Variants in OTUD7B observed in about 807,000 individuals in gnomAD.
The protein encoded by OTUD7B is OTU deubiquitinase 7B, also known as OTU domain-containing protein 7B.
A neutral mutation model predicts 82.2 loss-of-function variants in OTUD7B; 34 were observed. The ratio of observed to expected loss-of-function variants is 0.41; its 90% confidence interval spans 0.31 to 0.55. The LOEUF (loss-of-function observed/expected upper bound fraction) is 0.55. Among genes scored for constraint, OTUD7B ranks in the 20% least tolerant of loss-of-function variants. The pLI is 0.20. For synonymous variants in OTUD7B, 398 were observed against 402.7 expected (o/e 0.99, Z 0.14); for missense variants, 944 against 1,062.1 (o/e 0.89, Z 1.55).
chr1:150,015,809 G>T, the OTUD7B span, among the ~76,000 whole-genome samples: 1 of 152,110 alleles, frequency 6.6e-6, no homozygotes, highest in Non-Finnish European at 1.5e-5. Flanking sequence ...GAGGAACACG[G>T]GTGAAACACT....
At chr1:149,995,203 C>T (rs962600197) in intron 1 of OTUD7B, among the ~76,000 whole-genome samples, 2 of 152,186 alleles carry the variant, frequency 1.3e-5, no homozygotes, top group African/African-American at 4.8e-5. Flanking sequence ...TAAATCATCT[C>T]GCTAACCTCA....
In OTUD7B at chr1:149,967,298, C is replaced by T; in HGVS notation, c.498G>A (p.Gln166=). The T allele has an allele frequency of 6.2e-7, 1 of 1,611,134 alleles. No individual in the cohort carries two copies. Among genetic ancestry groups the T allele is most frequent in the Non-Finnish European group, 8.5e-7 (1 of 1,177,664 alleles). The change falls in exon 4 of 12, where the codon CAG becomes CAA. Residue 166 remains glutamine (Q), a synonymous_variant. Transcript: ENST00000581312. The part of the protein sequence containing the change: ...IEQSMLVALE[Q]AGRLNWWVSV... ...GGAGAGGAAGCACTCACTGACCTGC[C>T]TGTTCCAAGGCAACCAGCATGGACT...
At position 149,961,954 on chromosome 1, in the gene OTUD7B, A is replaced by G. The variant is rs78234962; in HGVS notation, c.733-2158T>C. 342 of 152,364 alleles carry G rather than the reference A, an allele frequency of 2.2e-3. 1 individual carries two copies. Among genetic ancestry groups the G allele is most frequent in the African/African-American group, 7.8e-3 (326 of 41,578 alleles). The allele number at this position is 152,364 out of a possible 1,614,324, so 9.4% of individuals were successfully genotyped here. ...TTTGGCTGACATTAGTATTAAAATGAGTCTATACGGCTTAACCGCACACTG... is the reference window on the plus strand; with the variant it reads ...TTTGGCTGACATTAGTATTAAAATGGGTCTATACGGCTTAACCGCACACTG... On this transcript the variant is annotated intron_variant, in intron 6 of 11. Transcript: ENST00000581312.
the OTUD7B span, among the ~76,000 whole-genome samples, chr1:150,049,901 G>A: frequency 6.6e-6 from 1 of 152,014 alleles, no homozygotes; most frequent in Non-Finnish European, 1.5e-5. Context: ...AAAAAGAAAG[G>A]TTATTGTTTC....
intron 2 of OTUD7B, among the ~76,000 whole-genome samples, chr1:149,974,460 C>T (rs1462856970): frequency 6.6e-6 from 1 of 151,562 alleles, no homozygotes; most frequent in Non-Finnish European, 1.5e-5. Flanking sequence ...TCCTAGTGAA[C>T]TTAGAATAAA....
the OTUD7B span, among the ~76,000 whole-genome samples, chr1:150,041,220 C>G: frequency 6.6e-6 from 1 of 151,844 alleles, no homozygotes; most frequent in Non-Finnish European, 1.5e-5. Flanking sequence ...AAATTTCACC[C>G]GAATTTTAAA....
intron 7 of OTUD7B, among the ~76,000 whole-genome samples, chr1:149,952,809 G>A (rs1267607797): frequency 1.3e-5 from 2 of 152,206 alleles, no homozygotes; most frequent in Admixed American, 1.3e-4. Flanking sequence ...CAGTGATGAT[G>A]AGCATTTTTT....
Position 149,939,232 on chromosome 1 carries a change from G to A in OTUD7B, c.*4625C>T, listed in dbSNP as rs2092746993. 1 of 152,152 alleles carries A rather than the reference G, an allele frequency of 6.6e-6. No homozygotes were observed. The highest frequency in any genetic ancestry group is 1.5e-5 in the Non-Finnish European group (1 of 68,042). 9.4% of individuals were successfully genotyped at this position (152,152 alleles called of 1,614,324 possible). On this transcript the variant is annotated 3_prime_UTR_variant, in exon 12 of 12. Transcript: ENST00000581312. ...GGTGGAGCTGAGTGACTCACAAGAT[G>A]AGTCACAGATCCAGTTATAAGCACA...
chr1:149,996,625 A>G (rs1651942940), intron 1 of OTUD7B, among the ~76,000 whole-genome samples: 1 of 152,220 alleles, frequency 6.6e-6, no homozygotes. Context: ...AGGACCTTAA[A>G]CAGTGCCTAA....
chr1:149,954,727 A>G (rs887526548), intron 7 of OTUD7B, among the ~76,000 whole-genome samples: 2 of 152,034 alleles, frequency 1.3e-5, no homozygotes, highest in Admixed American at 1.3e-4. Flanking sequence ...CAGAGGTGCT[A>G]TTGGTCTATT....
rs1553771696 is a variant in OTUD7B, at chr1:149,944,878, T to C, written c.1511A>G (p.Asn504Ser). The C allele has an allele frequency of 1.2e-6, 2 of 1,614,154 alleles. No homozygotes were observed. Among genetic ancestry groups the C allele is most frequent in the African/African-American group, 2.7e-5 (2 of 75,032 alleles). ...KDKKRADSVA[N>S]KLGSFGKTLG... is the part of the protein sequence containing the mutation. ...GGTTTTGCCAAAGCTGCCCAGTTTG[T>C]TAGCCACAGAATCTGCTCTCTTCTT... Residue 504 changes from asparagine (N) to serine (S), a missense_variant, in exon 12 of 12, where the codon AAC becomes AGC. By Grantham distance (46) the Asn-to-Ser change is conservative. Coordinates refer to ENST00000581312, the MANE Select transcript of OTUD7B (RefSeq NM_020205.4).
intron 7 of OTUD7B, among the ~76,000 whole-genome samples, chr1:149,954,839 T>C (rs1648540563): frequency 6.6e-6 from 1 of 152,240 alleles, no homozygotes; most frequent in Non-Finnish European, 1.5e-5. Flanking sequence ...TTGAGGTGTT[T>C]ACAGTAGTCT....
At chr1:149,969,301 A>G (rs12023748) in intron 3 of OTUD7B, among the ~76,000 whole-genome samples, 48,612 of 151,948 alleles carry the variant, frequency 0.32, 9,037 homozygotes, top group African/African-American at 0.51. Context: ...CCAGCCTTGG[A>G]GGACAGAGCA....
chr1:149,949,218 G>A (rs902977074), intron 9 of OTUD7B, 135 bp from the exon 10 acceptor site: 22 of 624,104 alleles, frequency 3.5e-5, no homozygotes, highest in South Asian at 1.3e-4. Context: ...GAATTACCCC[G>A]GTATTAAAAC....
intron 1 of OTUD7B, among the ~76,000 whole-genome samples, chr1:149,998,715 G>A (rs1449185372): frequency 1.3e-5 from 2 of 152,184 alleles, no homozygotes; most frequent in African/African-American, 4.8e-5. Context: ...TAATTAGTGA[G>A]TTCTTAATGA....
At position 149,940,812 on chromosome 1, in the gene OTUD7B, A is replaced by C. The variant is rs942127682; in HGVS notation, c.*3045T>G. The C allele has an allele frequency of 1.3e-5, 2 of 151,894 alleles. No homozygotes were observed. Among genetic ancestry groups the C allele is most frequent in the Non-Finnish European group, 2.9e-5 (2 of 67,996 alleles). The allele number at this position is 151,894 out of a possible 1,614,324, so 9.4% of individuals were successfully genotyped here. On this transcript the variant is annotated 3_prime_UTR_variant, in exon 12 of 12. Transcript: ENST00000581312. Reference sequence around the variant, plus strand: ...TCTTCTATTCCCTCATCTTCCCAAAATACCACAAACCAAGCTGAATCTATA... The same window carrying C: ...TCTTCTATTCCCTCATCTTCCCAAACTACCACAAACCAAGCTGAATCTATA...
At chr1:149,982,014 T>C (rs1650770055) in intron 1 of OTUD7B, among the ~76,000 whole-genome samples, 1 of 152,000 alleles carries the variant, frequency 6.6e-6, no homozygotes, top group Admixed American at 6.6e-5. Context: ...CCGGGCGTGG[T>C]GGCGGACGCC....
At chr1:150,028,828 G>A in the OTUD7B span, among the ~76,000 whole-genome samples, 1 of 152,092 alleles carries the variant, frequency 6.6e-6, no homozygotes, top group South Asian at 2.1e-4. Context: ...GAGCCACCAC[G>A]CCTGGTTGCT....
At chr1:150,056,647 A>G in the OTUD7B span, among the ~76,000 whole-genome samples, 1 of 152,126 alleles carries the variant, frequency 6.6e-6, no homozygotes, top group South Asian at 2.1e-4. Flanking sequence ...ATCCAGGCTC[A>G]CTGATTCCAG....
Sources: gnomAD v4.1 joint callset for allele counts (sites outside exome capture counted in the v4.1 genomes callset) on GRCh38, gnomAD v4.1.1 for gene constraint, MANE v1.5 for transcripts, NCBI Gene and HGNC (gene_info 2026-07-23, HGNC 2026-07-21) for gene names.